TMEM108: variants seen among roughly 807,000 people sequenced by gnomAD.
TMEM108 encodes the protein cancer/testis antigen 124.
A neutral mutation model predicts 35.1 loss-of-function variants in TMEM108; 12 were observed. The observed-to-expected ratio is 0.34, with a 90% CI of 0.22 to 0.55. The LOEUF (loss-of-function observed/expected upper bound fraction) is 0.55, where lower values mean the gene tolerates loss of function less well. Among genes scored for constraint, TMEM108 ranks in the 20% least tolerant of loss-of-function variants. TMEM108 has a pLI of 0.89. For missense variants in TMEM108, 680 were observed against 753.3 expected, an observed-to-expected ratio of 0.90 and a Z score of 1.14; for synonymous variants, 287 against 308.6, an observed-to-expected ratio of 0.93 and a Z score of 0.73.
intron 2 of TMEM108, among the ~76,000 whole-genome samples, chr3:133,224,097 A>T (rs1290413784): frequency 6.6e-6 from 1 of 152,196 alleles, no homozygotes; most frequent in African/African-American, 2.4e-5. Context: ...AATCCCCTTG[A>T]TCAATATATT....
At chr3:133,288,992 T>G (rs1272981821) in intron 3 of TMEM108, among the ~76,000 whole-genome samples, 1 of 152,156 alleles carries the variant, frequency 6.6e-6, no homozygotes, top group East Asian at 1.9e-4. Flanking sequence ...TGCCTCGGCC[T>G]CCCAAAGTGC....
chr3:133,096,482 T>C (rs922702128), intron 2 of TMEM108, among the ~76,000 whole-genome samples: 1 of 152,084 alleles, frequency 6.6e-6, no homozygotes, highest in African/African-American at 2.4e-5. Context: ...AAGTGAGACA[T>C]GGAGATGAGA....
chr3:133,314,402 G>T (rs60990354), intron 3 of TMEM108, among the ~76,000 whole-genome samples: 1 of 151,946 alleles, frequency 6.6e-6, no homozygotes, highest in Non-Finnish European at 1.5e-5. Context: ...CTTCAAAAGC[G>T]CTTTTAGATT....
intron 3 of TMEM108, among the ~76,000 whole-genome samples, chr3:133,373,220 G>A (rs2072728508): frequency 6.6e-6 from 1 of 151,972 alleles, no homozygotes; most frequent in Non-Finnish European, 1.5e-5. Flanking sequence ...ACAGTGGCGT[G>A]TGCCTGTAGT....
At position 133,380,565 on chromosome 3, in the gene TMEM108, AG is replaced by A. The variant is rs1370425012; in HGVS notation, c.860del (p.Gly287ValfsTer124). 1 of 1,613,580 alleles carries A rather than the reference AG, an allele frequency of 6.2e-7. No homozygotes were observed. The highest frequency in any genetic ancestry group is 8.5e-7 in the Non-Finnish European group (1 of 1,179,726). ...KDKPGLRRAA[Q>X]GGGSTFTSQG... ...AAGCCAGGCCTTCGCAGAGCAGCCC[AG>A]GGGGGTGGTTCTACCTTCACCAGCC... On this transcript the variant is annotated frameshift_variant, in exon 4 of 6. Transcript: ENST00000321871. LOFTEE classifies it high-confidence loss of function. The surrounding 1 kb of genome is among the most constrained non-coding windows in gnomAD (Gnocchi z 5.3).
chr3:133,218,557 T>C (rs1576389992), intron 2 of TMEM108, among the ~76,000 whole-genome samples: 2 of 152,102 alleles, frequency 1.3e-5, no homozygotes, highest in Admixed American at 6.6e-5. Context: ...CTTTGTTGCA[T>C]TGAGTTACTT....
chr3:133,329,643 AG>A (rs368365300), intron 3 of TMEM108, among the ~76,000 whole-genome samples: 6 of 152,320 alleles, frequency 3.9e-5, no homozygotes, highest in African/African-American at 1.4e-4. Context: ...TCCTTTCCTC[AG>A]AAAGCCTCCT....
At chr3:133,186,525 G>T (rs965443918) in intron 2 of TMEM108, among the ~76,000 whole-genome samples, 3 of 152,132 alleles carry the variant, frequency 2.0e-5, no homozygotes, top group African/African-American at 7.2e-5. Context: ...AAAGGCTTAG[G>T]AATCAAAACC....
At chr3:133,076,767 C>A (rs1276749179) in intron 2 of TMEM108, among the ~76,000 whole-genome samples, 1 of 152,218 alleles carries the variant, frequency 6.6e-6, no homozygotes, top group African/African-American at 2.4e-5. Context: ...AAGGCTTTGG[C>A]AATGGGCAGC....
At chr3:133,136,253 GT>G (rs1944563195) in intron 2 of TMEM108, among the ~76,000 whole-genome samples, 1 of 152,164 alleles carries the variant, frequency 6.6e-6, no homozygotes. Context: ...TTTTGTGTCT[GT>G]TTTTATCTTA....
At chr3:133,218,250 G>T (rs917919389) in intron 2 of TMEM108, among the ~76,000 whole-genome samples, 1 of 151,880 alleles carries the variant, frequency 6.6e-6, no homozygotes, top group Non-Finnish European at 1.5e-5. Flanking sequence ...ATGTGTGTTT[G>T]TTTCTTGTAT....
In TMEM108 at chr3:133,088,770, A is replaced by G. The variant is rs374691402; in HGVS notation, c.-47+42750A>G. On this transcript the variant is annotated intron_variant, in intron 2 of 5. Transcript: ENST00000321871. The stretch of plus-strand genomic sequence containing the variant: ...GCTGTGGCATTATGACAGCCTTGGC[A>G]TTGTTGTTTGGGACCTCTGTCATTA... Among the ~76,000 whole-genome samples, 8 of 152,166 alleles carry G rather than the reference A, an allele frequency of 5.3e-5. No homozygotes were observed. In the East Asian group the frequency reaches 1.3e-3, roughly 26 times the overall value.
chr3:133,383,012 CACACATTT>C (rs1180034603), intron 4 of TMEM108, among the ~76,000 whole-genome samples: 16 of 152,312 alleles, frequency 1.1e-4, no homozygotes, highest in African/African-American at 3.6e-4. Context: ...CTCATGAAAA[CACACATTT>C]ACACATTTAT....
At chr3:133,088,047 CT>C (rs1223444264) in intron 2 of TMEM108, among the ~76,000 whole-genome samples, 1 of 152,168 alleles carries the variant, frequency 6.6e-6, no homozygotes, top group Non-Finnish European at 1.5e-5. Flanking sequence ...TTGAAATTGA[CT>C]TTAGCGTGTT....
At chr3:133,234,043 A>G (rs1269026060) in intron 3 of TMEM108, among the ~76,000 whole-genome samples, 1 of 151,914 alleles carries the variant, frequency 6.6e-6, no homozygotes, top group African/African-American at 2.4e-5. Context: ...TCTTTAGTTT[A>G]TTTAGATCCC....
chr3:133,381,245 A>G, intron 4 of TMEM108, 84 bp downstream of exon 4: 1 of 1,431,648 alleles, frequency 7.0e-7, no homozygotes, highest in Non-Finnish European at 9.4e-7. Context: ...CTGATTTGGC[A>G]TCCTTGCCAA....
At chr3:133,063,945 C>T (rs563850791) in intron 2 of TMEM108, among the ~76,000 whole-genome samples, 32 of 152,296 alleles carry the variant, frequency 2.1e-4, no homozygotes, top group African/African-American at 6.5e-4. Flanking sequence ...GATCACTTCA[C>T]GTATTTCACC....
At chr3:133,135,089 T>C (rs919145262) in intron 2 of TMEM108, among the ~76,000 whole-genome samples, 2 of 152,178 alleles carry the variant, frequency 1.3e-5, no homozygotes, top group Non-Finnish European at 2.9e-5. Flanking sequence ...GTTTTTCTTT[T>C]CCCATCTGTT....
intron 3 of TMEM108, among the ~76,000 whole-genome samples, chr3:133,328,558 T>C (rs1327994011): frequency 1.3e-5 from 2 of 152,114 alleles, no homozygotes; most frequent in Non-Finnish European, 2.9e-5. Flanking sequence ...TCCCTCTCTA[T>C]CACTCTGTGA....
Sources: gnomAD v4.1 joint callset for allele counts (sites outside exome capture counted in the v4.1 genomes callset) on GRCh38, gnomAD v4.1.1 for gene constraint, Gnocchi (gnomAD v3.1) non-coding constraint, MANE v1.5 for transcripts, NCBI Gene and HGNC (gene_info 2026-07-23, HGNC 2026-07-21) for gene names.